THSD4: variants seen among roughly 807,000 people sequenced by gnomAD.
THSD4 encodes thrombospondin type 1 domain containing 4.
A neutral mutation model predicts 119.0 loss-of-function variants in THSD4; 69 were observed. That is an observed-to-expected ratio of 0.58 (90% CI 0.48 to 0.71). THSD4 has a LOEUF of 0.71. Among genes scored for constraint, THSD4 ranks in the 30% least tolerant of loss-of-function variants. The pLI is 0.00. For missense variants in THSD4, 1,393 were observed against 1,391.1 expected (o/e 1.00, Z -0.02); for synonymous variants, 524 against 540.4 (o/e 0.97, Z 0.42).
intron 8 of THSD4, among the ~76,000 whole-genome samples, chr15:71,706,684 G>A (rs563837465): frequency 6.6e-6 from 1 of 152,236 alleles, no homozygotes; most frequent in African/African-American, 2.4e-5. Flanking sequence ...AGAGATTTGG[G>A]GAGAAGCAGT....
chr15:71,279,755 C>T (rs2044630316), intron 6 of THSD4, among the ~76,000 whole-genome samples: 1 of 146,988 alleles, frequency 6.8e-6, no homozygotes, highest in Admixed American at 6.9e-5. Flanking sequence ...CGAGTTCACA[C>T]AGAATGGAAA....
At chr15:71,728,232 C>T (rs1168614098) in intron 8 of THSD4, among the ~76,000 whole-genome samples, 2 of 152,124 alleles carry the variant, frequency 1.3e-5, no homozygotes, top group African/African-American at 2.4e-5. Flanking sequence ...GTTTCCCTTC[C>T]CCCCTTTTTT....
intron 7 of THSD4, among the ~76,000 whole-genome samples, chr15:71,616,884 A>G (rs1159180429): frequency 6.6e-6 from 1 of 152,180 alleles, no homozygotes; most frequent in Non-Finnish European, 1.5e-5. Context: ...GATTAGGGCC[A>G]CTGTGCAGCA....
chr15:71,157,140 A>C (rs572056117), intron 3 of THSD4, among the ~76,000 whole-genome samples: 1 of 152,180 alleles, frequency 6.6e-6, no homozygotes, highest in South Asian at 2.1e-4. Flanking sequence ...ATAACGGAAA[A>C]TACTTTATAC....
chr15:71,616,030 G>A (rs900939868), intron 7 of THSD4, among the ~76,000 whole-genome samples: 2 of 152,274 alleles, frequency 1.3e-5, no homozygotes, highest in East Asian at 3.9e-4. Flanking sequence ...TCTGGCCCAG[G>A]ATAGACACAC....
At chr15:71,635,374 CA>C (rs2050719364) in intron 7 of THSD4, among the ~76,000 whole-genome samples, 1 of 152,142 alleles carries the variant, frequency 6.6e-6, no homozygotes, top group East Asian at 1.9e-4. Context: ...AACACACACA[CA>C]CACACACACA....
chr15:71,418,443 C>A (rs1260477287), intron 7 of THSD4, among the ~76,000 whole-genome samples: 1 of 108,496 alleles, frequency 9.2e-6, no homozygotes, highest in African/African-American at 3.1e-5. Flanking sequence ...CTATACCCAA[C>A]TTTTTGAGGG....
intron 4 of THSD4, among the ~76,000 whole-genome samples, chr15:71,228,618 A>G (rs2044036761): frequency 6.6e-6 from 1 of 152,226 alleles, no homozygotes; most frequent in Admixed American, 6.5e-5. Context: ...CTGTGCTTAC[A>G]GCAACAATGT....
chr15:71,777,160 C>A, intron 17 of THSD4, 72 bp from the exon 18 acceptor site: 1 of 1,585,910 alleles, frequency 6.3e-7, no homozygotes, highest in Non-Finnish European at 8.7e-7. Flanking sequence ...CAGCCACTGC[C>A]CTTTCTCTTC....
intron 7 of THSD4, among the ~76,000 whole-genome samples, chr15:71,470,203 A>G (rs77682031): frequency 6.6e-6 from 1 of 152,240 alleles, no homozygotes; most frequent in East Asian, 1.9e-4. Flanking sequence ...CATAATTACT[A>G]CTAATTTATA....
rs113543650 is a variant in THSD4, at chr15:71,282,536, G to A, written c.1015+25821G>A. On this transcript the variant is annotated intron_variant, in intron 6 of 17. Coordinates refer to ENST00000261862, the MANE Select transcript of THSD4 (RefSeq NM_024817.3). ...GCTTGTCCAGTGCTGCCTTGGTTCC[G>A]ACATATCCTAGCTAAGCTCTGCTCC... Among the ~76,000 whole-genome samples, 1,422 of 152,190 alleles carry A rather than the reference G, an allele frequency of 9.3e-3. 8 individuals are homozygous for A. Among genetic ancestry groups the A allele is most frequent in the Middle Eastern group, 0.017 (5 of 294 alleles).
chr15:71,608,163 C>T (rs2050146587), intron 7 of THSD4, among the ~76,000 whole-genome samples: 1 of 146,532 alleles, frequency 6.8e-6, no homozygotes, highest in Admixed American at 7.0e-5. Flanking sequence ...GCGGTGGTTG[C>T]GGTGAGCTGA....
intron 6 of THSD4, among the ~76,000 whole-genome samples, chr15:71,273,051 C>T (rs117704437): frequency 0.015 from 2,359 of 152,202 alleles, 32 homozygotes; most frequent in Middle Eastern, 0.048. Context: ...GGGTATATAG[C>T]CACAGGAATG....
rs563912764 is a variant in THSD4 at position 71,652,170 on chromosome 15, C to T, written c.1153-8360C>T. Among the ~76,000 whole-genome samples, 19 of 152,294 alleles carry T rather than the reference C, an allele frequency of 1.2e-4. 1 individual carries two copies. Among genetic ancestry groups the T allele is most frequent in the Admixed American group, 1.2e-3 (18 of 15,294 alleles). On this transcript the variant is annotated intron_variant, in intron 7 of 17. Transcript: ENST00000261862. ...GCCTTATAGGGTGTAGGCAGTGTCT[C>T]TCTGCTCCATTCTGCAAGGAACTTC...
intron 4 of THSD4, among the ~76,000 whole-genome samples, chr15:71,234,725 C>G (rs1293385119): frequency 4.6e-5 from 7 of 152,206 alleles, no homozygotes; most frequent in African/African-American, 1.7e-4. Context: ...ACGGATAAAG[C>G]TCAGTTTTTC....
At chr15:71,378,257 C>T (rs2046177693) in intron 6 of THSD4, among the ~76,000 whole-genome samples, 1 of 152,106 alleles carries the variant, frequency 6.6e-6, no homozygotes, top group Admixed American at 6.6e-5. Context: ...ATACAGTTTT[C>T]TATCGGGTCA....
intron 7 of THSD4, among the ~76,000 whole-genome samples, chr15:71,427,856 G>C (rs2046894094): frequency 6.6e-6 from 1 of 152,014 alleles, no homozygotes; most frequent in South Asian, 2.1e-4. Context: ...TGGTCAATCA[G>C]GATGTCCAAC....
intron 6 of THSD4, among the ~76,000 whole-genome samples, chr15:71,344,638 C>T (rs2045630844): frequency 6.6e-6 from 1 of 152,170 alleles, no homozygotes; most frequent in Admixed American, 6.5e-5. Flanking sequence ...GCCAAACATG[C>T]TAATTTAGGA....
intron 2 of THSD4, among the ~76,000 whole-genome samples, chr15:71,154,526 C>A (rs886813206): frequency 3.3e-5 from 5 of 152,220 alleles, no homozygotes; most frequent in African/African-American, 1.2e-4. Flanking sequence ...TTACTCAGTT[C>A]TCCCCTAAAC....
Sources: gnomAD v4.1 joint callset for allele counts (sites outside exome capture counted in the v4.1 genomes callset) on GRCh38, gnomAD v4.1.1 for gene constraint, MANE v1.5 for transcripts, NCBI Gene and HGNC (gene_info 2026-07-23, HGNC 2026-07-21) for gene names.